Variants in TUBG1 observed in about 807,000 individuals in gnomAD.
TUBG1 encodes tubulin gamma-1 chain.
Under a neutral mutation model 53.3 loss-of-function variants are expected in TUBG1, and 22 were observed. The ratio of observed to expected loss-of-function variants is 0.41; its 90% CI spans 0.29 to 0.59. The LOEUF is 0.59. Ranked by LOEUF, TUBG1 falls within the 20% of genes least tolerant of loss-of-function variation. The pLI is 0.26. For synonymous variants in TUBG1, 198 were observed against 236.7 expected (o/e 0.84, Z 1.50); for missense variants, 217 against 598.9 (o/e 0.36, Z 6.66).
chr17:42,609,913 C>T, intron 1 of TUBG1, 127 bp downstream of exon 1: 2 of 1,401,620 alleles, frequency 1.4e-6, no homozygotes. Flanking sequence ...CATCCCTGAC[C>T]CAGTGTCCAC....
chr17:42,615,136 C>T lies in TUBG1; in HGVS notation c.*95C>T. The T allele has an allele frequency of 8.2e-7, 1 of 1,226,162 alleles. No homozygotes were observed. The highest frequency in any genetic ancestry group is 1.2e-6 in the Non-Finnish European group (1 of 859,472). The allele number at this position is 1,226,162 out of a possible 1,614,324, so 76.0% of individuals were successfully genotyped here. On this transcript the variant is annotated 3_prime_UTR_variant, in exon 11 of 11. Coordinates refer to ENST00000251413, the MANE Select transcript of TUBG1 (RefSeq NM_001070.5). The stretch of plus-strand genomic sequence containing the variant: ...CAGAGCACAGATCAGGGACCTCACG[C>T]ATCTCTTTCTCATATACATGGACTC...
intron 5 of TUBG1, 38 bp from the exon 6 acceptor site, chr17:42,612,909 C>CTGGT: frequency 6.2e-7 from 1 of 1,611,210 alleles, no homozygotes; most frequent in Non-Finnish European, 8.5e-7. Context: ...ACCAGGCCTT[C>CTGGT]GGTCTGTTGC....
intron 6 of TUBG1, among the ~76,000 whole-genome samples, chr17:42,613,429 C>T (rs1458412942): frequency 6.7e-6 from 1 of 149,478 alleles, no homozygotes; most frequent in Non-Finnish European, 1.5e-5. Flanking sequence ...TCTCAAAAAA[C>T]AAGAACAAAA....
chr17:42,614,544 A>C lies in TUBG1; in HGVS notation c.1045A>C (p.Ile349Leu). The change falls in exon 10 of 11, where the codon ATC (isoleucine) becomes CTC (leucine). Residue 349 changes from isoleucine (I) to leucine (L), a missense_variant. By Grantham distance (5) the Ile-to-Leu change is conservative (BLOSUM62 2). Transcript: ENST00000251413. The surrounding 1 kb of genome is among the most constrained non-coding windows in gnomAD (Gnocchi z 5.1). ...RIRERKLANFIPWGPASIQVA... is the reference protein window; with the variant it reads ...RIRERKLANFLPWGPASIQVA... The stretch of plus-strand genomic sequence containing the variant: ...CCGGGAACGCAAGTTGGCCAACTTC[A>C]TCCCGTGGGGCCCCGCCAGCATCCA... The C allele has an allele frequency of 1.2e-6, 2 of 1,613,782 alleles. No individual in the cohort carries two copies. Among genetic ancestry groups the C allele is most frequent in the Non-Finnish European group, 1.7e-6 (2 of 1,179,700 alleles).
chr17:42,614,740 C>T lies in TUBG1; in HGVS notation c.1158+83C>T, dbSNP rs958464239. 11 of 1,605,026 alleles carry T rather than the reference C, an allele frequency of 6.9e-6. No individual in the cohort carries two copies. Among genetic ancestry groups the T allele is most frequent in the African/African-American group, 1.3e-5 (1 of 74,638 alleles). The stretch of plus-strand genomic sequence containing the variant: ...CTCTCTGCATCTGCTGGCCCTGCTT[C>T]TAGCTTTTTTGCTGTGGGCATAGCC... On this transcript the variant is annotated intron_variant, in intron 10 of 10. Coordinates refer to ENST00000251413, the MANE Select transcript of TUBG1 (RefSeq NM_001070.5). This position sits in a 1 kb window ranked among gnomAD's most constrained non-coding sequence, Gnocchi z 5.1.
rs763324174 is a variant in TUBG1 at position 42,610,095 on chromosome 17, C to G, written c.50-13C>G. 1 of 1,613,950 alleles carries G rather than the reference C, an allele frequency of 6.2e-7. No individual in the cohort carries two copies. The highest frequency in any genetic ancestry group is 8.5e-7 in the Non-Finnish European group (1 of 1,179,946). On this transcript the variant is annotated splice_polypyrimidine_tract_variant and intron_variant, in intron 1 of 10. Coordinates refer to ENST00000251413, the MANE Select transcript of TUBG1 (RefSeq NM_001070.5). ...GATATCTTCTTTCTCCCCTGCCCGC[C>G]CCTTCCCCCCAGTTGGGTTCGAGTT...
intron 6 of TUBG1, 123 bp from the exon 7 acceptor site, chr17:42,613,524 C>A: frequency 6.8e-7 from 1 of 1,474,438 alleles, no homozygotes; most frequent in South Asian, 1.2e-5. Context: ...CAGTGCAAAT[C>A]TCTTTCCAGT....
chr17:42,609,833 ATGGGATCTCGCTG>A, intron 1 of TUBG1, 47 bp downstream of exon 1: 1 of 1,539,320 alleles, frequency 6.5e-7, no homozygotes, highest in South Asian at 1.2e-5. Context: ...CTTAGGGTCA[ATGGGATCTCGCTG>A]TGGGATCCTG....
In TUBG1 at chr17:42,613,979, C is replaced by T; in HGVS notation, c.824C>T (p.Pro275Leu). The change falls in exon 8 of 11, where the codon CCT becomes CTT. Residue 275 changes from proline (P) to leucine (L), a missense_variant. Around this residue, in one of 4 missense-constraint regions of TUBG1, gnomAD observed 135 missense variants for 371.2 expected, o/e 0.36. Coordinates refer to ENST00000251413, the MANE Select transcript of TUBG1 (RefSeq NM_001070.5). ...RLHFLMTGYT[P>L]LTTDQSVASV... ...CACTTCCTCATGACCGGCTACACCCCTCTCACTACGGACCAGTCAGTAAGA... is the reference window on the plus strand; with the variant it reads ...CACTTCCTCATGACCGGCTACACCCTTCTCACTACGGACCAGTCAGTAAGA... 6.2e-7 allele frequency: 1 copy of T among 1,614,202 alleles called. No homozygotes were observed. Among genetic ancestry groups the T allele is most frequent in the Non-Finnish European group, 8.5e-7 (1 of 1,180,040 alleles).
intron 6 of TUBG1, 90 bp downstream of exon 6, chr17:42,613,163 A>G: frequency 6.5e-7 from 1 of 1,534,760 alleles, no homozygotes; most frequent in Non-Finnish European, 8.8e-7. Flanking sequence ...AAAAAAATCC[A>G]TTTTAGCCAG....
chr17:42,610,011 T>C, intron 1 of TUBG1, 97 bp from the exon 2 acceptor site: 1 of 1,455,250 alleles, frequency 6.9e-7, no homozygotes. Context: ...GCTTGACTTC[T>C]TATCCCTGGA....
In TUBG1 at chr17:42,609,712, G is replaced by A. The variant is rs2093177306; in HGVS notation, c.-26G>A. 6.5e-7 allele frequency: 1 copy of A among 1,544,110 alleles called. No homozygotes were observed. The highest frequency in any genetic ancestry group is 8.7e-7 in the Non-Finnish European group (1 of 1,143,690). ...TGCGGCGCCGTTGCGGGCGGGAGCG[G>A]CTGCAACGCCGGTGCCTGAGGAGCG... On this transcript the variant is annotated 5_prime_UTR_variant, in exon 1 of 11. Coordinates refer to ENST00000251413, the MANE Select transcript of TUBG1 (RefSeq NM_001070.5).
At chr17:42,613,137 C>G (rs1418865728) in intron 6 of TUBG1, 64 bp downstream of exon 6, 5 of 1,569,010 alleles carry the variant, frequency 3.2e-6, no homozygotes, top group Non-Finnish European at 4.3e-6. Flanking sequence ...TCTATTAAAT[C>G]ATTTTCATGT....
At chr17:42,613,183 C>T (rs1198420336) in intron 6 of TUBG1, 110 bp downstream of exon 6, 1 of 1,488,966 alleles carries the variant, frequency 6.7e-7, no homozygotes, top group African/African-American at 1.4e-5. Context: ...GGTGCAGTGG[C>T]TCATGACTGT....
chr17:42,611,479 G>A (rs2052033632), intron 3 of TUBG1, among the ~76,000 whole-genome samples: 1 of 152,174 alleles, frequency 6.6e-6, no homozygotes, highest in South Asian at 2.1e-4. Flanking sequence ...AAGGGTATAT[G>A]GACCTGTATT....
At chr17:42,612,813 C>T (rs573942451) in intron 5 of TUBG1, 134 bp from the exon 6 acceptor site, 6 of 1,242,326 alleles carry the variant, frequency 4.8e-6, no homozygotes, top group Middle Eastern at 2.8e-4. Context: ...AAAGTCAAGG[C>T]TCCCTTCTCT....
Position 42,614,003 on chromosome 17 carries a change from G to C in TUBG1, c.843+5G>C. 2 of 1,614,204 alleles carry C rather than the reference G, an allele frequency of 1.2e-6. No individual in the cohort carries two copies. Among genetic ancestry groups the C allele is most frequent in the Non-Finnish European group, 1.7e-6 (2 of 1,180,040 alleles). On this transcript the variant is annotated splice_donor_5th_base_variant and intron_variant, in intron 8 of 10. Transcript: ENST00000251413. The surrounding 1 kb of genome is among the most constrained non-coding windows in gnomAD (Gnocchi z 5.1). The stretch of plus-strand genomic sequence containing the variant: ...CCTCTCACTACGGACCAGTCAGTAA[G>C]AGCAGCCTTCAGTGTCCCAGGCCAG...
At chr17:42,611,482 C>T (rs752650820) in intron 3 of TUBG1, among the ~76,000 whole-genome samples, 3 of 152,106 alleles carry the variant, frequency 2.0e-5, no homozygotes, top group Non-Finnish European at 2.9e-5. Context: ...GGTATATGGA[C>T]CTGTATTATT....
rs907640444 is a variant in TUBG1 at position 42,614,076 on chromosome 17, C to T, written c.843+78C>T. ...CCTGTCCTAGCCTTTCTCTCTTCCC[C>T]ACTGCCCCAGGAGCTACCCTTTGTG... On this transcript the variant is annotated intron_variant, in intron 8 of 10. Coordinates refer to ENST00000251413, the MANE Select transcript of TUBG1 (RefSeq NM_001070.5). This position sits in a 1 kb window ranked among gnomAD's most constrained non-coding sequence, Gnocchi z 5.1. 1.0e-5 allele frequency: 16 copies of T among 1,604,330 alleles called. No individual in the cohort carries two copies. In the African/African-American group the frequency reaches 1.5e-4, roughly 15 times the overall value.
Sources: allele counts gnomAD v4.1 joint callset (sites outside exome capture counted in the v4.1 genomes callset), GRCh38; gene constraint gnomAD v4.1.1; regional missense constraint gnomAD v4.1.1; non-coding constraint Gnocchi (gnomAD v3.1); transcripts MANE v1.5; gene names NCBI Gene and HGNC (gene_info 2026-07-23, HGNC 2026-07-21).